Variants in RAPGEF6 observed in about 807,000 individuals in gnomAD.
RAPGEF6 encodes Rap guanine nucleotide exchange factor 6.
RAPGEF6 carries 56 observed loss-of-function variants against 171.4 expected under a neutral mutation model. That is an observed-to-expected ratio of 0.33 (90% CI 0.26 to 0.41). The LOEUF (loss-of-function observed/expected upper bound fraction) is 0.41. Among genes scored for constraint, RAPGEF6 ranks in the 10% least tolerant of loss-of-function variants. The pLI is 1.00. For synonymous variants in RAPGEF6, 692 were observed against 650.1 expected (o/e 1.06, Z -0.98); for missense variants, 1,674 against 1,921.4 (o/e 0.87, Z 2.41).
intron 21 of RAPGEF6, chr5:131,449,950 T>G: frequency 2.1e-6 from 3 of 1,423,326 alleles, no homozygotes; most frequent in Non-Finnish European, 2.9e-6. Context: ...TGTGCGTGCA[T>G]TAATGAAAAG....
rs1385660072 is a variant in RAPGEF6, at chr5:131,508,090, A to G, written c.923T>C (p.Ile308Thr). 1.2e-6 allele frequency: 2 copies of G among 1,606,928 alleles called. No individual in the cohort carries two copies. The highest frequency in any genetic ancestry group is 1.3e-5 in the African/African-American group (1 of 74,598). The change falls in exon 9 of 28, where the codon ATT (isoleucine) becomes ACT (threonine). Residue 308 changes from isoleucine (I) to threonine (T), a missense_variant. Around this residue, in one of 3 missense-constraint regions of RAPGEF6, gnomAD observed 1,116 missense variants for 1,321.5 expected, o/e 0.84. Coordinates refer to ENST00000509018, the MANE Select transcript of RAPGEF6 (RefSeq NM_016340.6). ...ACCTACCTCTTGCCCATCTTCAAGAATAATAGCTCCAGCCTGCTCTACCAC... is the reference window on the plus strand; with the variant it reads ...ACCTACCTCTTGCCCATCTTCAAGAGTAATAGCTCCAGCCTGCTCTACCAC... ...FEVVEQAGAIILEDGQELDSW... is the reference protein window; with the variant it reads ...FEVVEQAGAITLEDGQELDSW...
At chr5:131,542,674 G>T (rs1427291490) in intron 6 of RAPGEF6, among the ~76,000 whole-genome samples, 1 of 152,188 alleles carries the variant, frequency 6.6e-6, no homozygotes, top group Non-Finnish European at 1.5e-5. Flanking sequence ...GTGCAGATAT[G>T]TGCTTAATCC....
intron 3 of RAPGEF6, among the ~76,000 whole-genome samples, chr5:131,601,228 A>G (rs1482109920): frequency 1.3e-5 from 2 of 151,992 alleles, no homozygotes; most frequent in African/African-American, 4.8e-5. Context: ...TACTAAAAAT[A>G]CAAAAAATAA....
At position 131,498,526 on chromosome 5, in the gene RAPGEF6, T is replaced by A; in HGVS notation, c.1336A>T (p.Thr446Ser). The A allele has an allele frequency of 6.2e-7, 1 of 1,613,828 alleles. No homozygotes were observed. ...GGACTTTCAAGAAATGTCCTGTAAG[T>A]TAATAGAAAATCTTCTATATAAGTT... ...DPTYIEDFLL[T>S]YRTFLESPLD... is the part of the protein sequence containing the mutation. The change falls in exon 12 of 28, where the codon ACT (threonine) becomes TCT (serine). Residue 446 changes from threonine to serine, a missense_variant. Physicochemically the swap from Thr to Ser is moderately conservative, Grantham distance 58 (BLOSUM62 1). Coordinates refer to ENST00000509018, the MANE Select transcript of RAPGEF6 (RefSeq NM_016340.6).
intron 8 of RAPGEF6, among the ~76,000 whole-genome samples, chr5:131,509,851 CAG>C (rs1757608291): frequency 6.6e-6 from 1 of 152,144 alleles, no homozygotes; most frequent in Non-Finnish European, 1.5e-5. Flanking sequence ...GTATAACAAA[CAG>C]AATTTAGCAG....
At chr5:131,456,613 G>A (rs1753523060) in intron 19 of RAPGEF6, among the ~76,000 whole-genome samples, 1 of 152,110 alleles carries the variant, frequency 6.6e-6, no homozygotes, top group African/African-American at 2.4e-5. Flanking sequence ...TGCCAGTTAG[G>A]CTGCAAGTCT....
intron 9 of RAPGEF6, 147 bp from the exon 10 acceptor site, chr5:131,505,669 A>G: frequency 2.9e-6 from 2 of 681,924 alleles, no homozygotes; most frequent in Non-Finnish European, 4.8e-6. Flanking sequence ...GTAACACCCT[A>G]TGCTTTGAGT....
chr5:131,577,627 C>G (rs1197386608), intron 4 of RAPGEF6, among the ~76,000 whole-genome samples: 2 of 152,126 alleles, frequency 1.3e-5, no homozygotes, highest in African/African-American at 4.8e-5. Flanking sequence ...AATCTGATCC[C>G]TCAAACTCTA....
intron 3 of RAPGEF6, among the ~76,000 whole-genome samples, chr5:131,592,779 GT>G (rs1314272489): frequency 1.3e-5 from 2 of 152,064 alleles, no homozygotes; most frequent in Non-Finnish European, 2.9e-5. Flanking sequence ...ATAAATTTCA[GT>G]TTAATTAAAG....
At chr5:131,625,193 C>G (rs1026533041) in intron 1 of RAPGEF6, among the ~76,000 whole-genome samples, 1 of 151,998 alleles carries the variant, frequency 6.6e-6, no homozygotes, top group African/African-American at 2.4e-5. Context: ...ACCCGGGAGG[C>G]AGAGGTTGCG....
intron 16 of RAPGEF6, among the ~76,000 whole-genome samples, chr5:131,476,867 G>A (rs1180568841): frequency 6.6e-6 from 1 of 152,058 alleles, no homozygotes; most frequent in Non-Finnish European, 1.5e-5. Context: ...TAATAGAAAG[G>A]CATCACTTTA....
chr5:131,534,367 T>G (rs1030806435), intron 6 of RAPGEF6, among the ~76,000 whole-genome samples: 1 of 152,144 alleles, frequency 6.6e-6, no homozygotes, highest in Non-Finnish European at 1.5e-5. Context: ...AGAATTTAAG[T>G]TAAACTAAGT....
At position 131,455,960 on chromosome 5, in the gene RAPGEF6, G is replaced by A. The variant is rs1350269241; in HGVS notation, c.2917C>T (p.Pro973Ser). ...TGAAGATGTTTCTCGTATTTGCTTG[G>A]TAACTTTTCCCAAGTTCCTCTGAGT... ...ARLRGTWEKLPSKYEKHLQDL... is the reference protein window; with the variant it reads ...ARLRGTWEKLSSKYEKHLQDL... Residue 973 changes from proline to serine, a missense_variant, in exon 20 of 28, where the codon CCA (proline) becomes TCA (serine). By Grantham distance (74) the Pro-to-Ser change is moderately conservative (BLOSUM62 -1). This residue lies in a region of RAPGEF6 where 1,116 missense variants were observed against 1,321.5 expected (regional missense o/e 0.84). Transcript: ENST00000509018. 2 of 1,613,930 alleles carry A rather than the reference G, an allele frequency of 1.2e-6. No individual in the cohort carries two copies. The highest frequency in any genetic ancestry group is 1.3e-5 in the African/African-American group (1 of 74,902).
At chr5:131,560,663 T>C (rs1445705871) in intron 5 of RAPGEF6, among the ~76,000 whole-genome samples, 1 of 152,142 alleles carries the variant, frequency 6.6e-6, no homozygotes, top group African/African-American at 2.4e-5. Flanking sequence ...CAATACATAC[T>C]CCATCCTTGA....
chr5:131,455,297 C>T (rs548823264), intron 20 of RAPGEF6, among the ~76,000 whole-genome samples: 12 of 152,290 alleles, frequency 7.9e-5, no homozygotes, highest in South Asian at 2.1e-4. Context: ...CTCGCTCTGT[C>T]GCCCAGGCTG....
Position 131,592,436 on chromosome 5 carries a change from G to T in RAPGEF6, c.228C>A (p.Ile76=). 6.2e-7 allele frequency: 1 copy of T among 1,613,826 alleles called. No homozygotes were observed. The part of the protein sequence containing the change: ...CSETIARCWY[I]LLSGSVLVKG... ...TCACAAGCACAGATCCAGAAAGTAG[G>T]ATATACCAACATCTGGCAATCGTTT... Residue 76 remains isoleucine, a synonymous_variant, in exon 4 of 28, where the codon ATC becomes ATA. Coordinates refer to ENST00000509018, the MANE Select transcript of RAPGEF6 (RefSeq NM_016340.6).
intron 19 of RAPGEF6, 130 bp downstream of exon 19, chr5:131,461,575 C>G (rs527416988): frequency 5.6e-6 from 5 of 888,278 alleles, no homozygotes; most frequent in Middle Eastern, 3.9e-4. Context: ...TACATTAAAT[C>G]TAACAACACT....
chr5:131,461,745 G>T lies in RAPGEF6; in HGVS notation c.2824C>A (p.Arg942=). The change falls in exon 19 of 28, where the codon CGA becomes AGA. Residue 942 remains arginine (R), a synonymous_variant. Transcript: ENST00000509018. ...KHFIKIALHC[R]ECKNFNSMFA... The stretch of plus-strand genomic sequence containing the variant: ...ATGGAATTGAAGTTCTTACATTCTC[G>T]ACAATGAAGTGCAATTTTAATAAAA... 1.2e-6 allele frequency: 2 copies of T among 1,605,332 alleles called. No individual in the cohort carries two copies. The highest frequency in any genetic ancestry group is 2.2e-5 in the South Asian group (2 of 90,786).
chr5:131,608,911 C>T (rs1764772982), intron 1 of RAPGEF6, among the ~76,000 whole-genome samples: 1 of 152,026 alleles, frequency 6.6e-6, no homozygotes, highest in Non-Finnish European at 1.5e-5. Context: ...GCTGGGACTA[C>T]AGGCACATGC....
Sources: allele counts gnomAD v4.1 joint callset (sites outside exome capture counted in the v4.1 genomes callset), GRCh38; gene constraint gnomAD v4.1.1; regional missense constraint gnomAD v4.1.1; transcripts MANE v1.5; gene names NCBI Gene and HGNC (gene_info 2026-07-23, HGNC 2026-07-21).